The following LARP1 variants were observed in gnomAD, a reference collection of about 807,000 sequenced individuals.
LARP1 encodes la-related protein 1.
A neutral mutation model predicts 122.7 loss-of-function variants in LARP1; 36 were observed. The observed-to-expected ratio is 0.29, with a 90% CI of 0.22 to 0.39. The LOEUF (loss-of-function observed/expected upper bound fraction) is 0.39. Ranked by LOEUF, LARP1 falls within the 10% of genes least tolerant of loss-of-function variation. LARP1 has a pLI of 1.00. For synonymous variants in LARP1, 539 were observed against 528.7 expected (o/e 1.02, Z -0.27); for missense variants, 1,040 against 1,403.6 (o/e 0.74, Z 4.14).
chr5:154,805,103 A>G, intron 14 of LARP1: 2 of 340,668 alleles, frequency 5.9e-6, no homozygotes, highest in South Asian at 4.7e-5. Flanking sequence ...AAATATTACT[A>G]AGAAAATCAC....
chr5:154,721,290 T>C (rs1054182017), intron 1 of LARP1, among the ~76,000 whole-genome samples: 12 of 147,026 alleles, frequency 8.2e-5, no homozygotes, highest in Admixed American at 7.2e-5. Flanking sequence ...GAGGTTGCAG[T>C]GAGCTATGAT....
intron 1 of LARP1, among the ~76,000 whole-genome samples, chr5:154,736,302 G>T (rs1222155784): frequency 6.6e-6 from 1 of 151,646 alleles, no homozygotes; most frequent in Non-Finnish European, 1.5e-5. Context: ...CACTATGTTG[G>T]CCAGGCTGGT....
intron 1 of LARP1, among the ~76,000 whole-genome samples, chr5:154,692,277 A>G (rs116327727): frequency 0.012 from 1,762 of 152,330 alleles, 28 homozygotes; most frequent in African/African-American, 0.04. Flanking sequence ...GGAGTCTACC[A>G]GTTCCTAGCT....
chr5:154,740,393 CAAAA>C (rs538295324), intron 1 of LARP1, among the ~76,000 whole-genome samples: 2 of 73,422 alleles, frequency 2.7e-5, no homozygotes, highest in Non-Finnish European at 2.7e-5. Context: ...AACTCTGTCT[CAAAA>C]AAAAAAAAAA....
rs1484028556 is a variant in LARP1 at position 154,794,020 on chromosome 5, GCT to G, written c.1069+22_1069+23del. The G allele has an allele frequency of 6.2e-7, 1 of 1,608,108 alleles. No individual in the cohort carries two copies. The highest frequency in any genetic ancestry group is 8.5e-7 in the Non-Finnish European group (1 of 1,176,072). ...CTCGAAGTACGTGAGGCCCCTTTGG[GCT>G]CCGGGATGTCCAAGGGTGTGCAGCA... On this transcript the variant is annotated intron_variant, in intron 6 of 18. Coordinates refer to ENST00000518297, the MANE Select transcript of LARP1 (RefSeq NM_033551.3).
At chr5:154,788,531 C>T (rs935165472) in intron 1 of LARP1, among the ~76,000 whole-genome samples, 1 of 152,142 alleles carries the variant, frequency 6.6e-6, no homozygotes, top group South Asian at 2.1e-4. Context: ...TTCTCTGCTG[C>T]TCGGGGTTTG....
chr5:154,732,097 C>T (rs1342211269), intron 1 of LARP1, among the ~76,000 whole-genome samples: 2 of 149,300 alleles, frequency 1.3e-5, no homozygotes, highest in African/African-American at 2.5e-5. Flanking sequence ...ACCCGGGAGG[C>T]GGAGGTTGCA....
At chr5:154,791,151 T>A (rs1408219018) in intron 3 of LARP1, among the ~76,000 whole-genome samples, 1 of 149,486 alleles carries the variant, frequency 6.7e-6, no homozygotes, top group East Asian at 2.0e-4. Flanking sequence ...TTTTTTTTTT[T>A]TGAGATGGAG....
At position 154,755,785 on chromosome 5, in the gene LARP1, C is replaced by A. The variant is rs1246545854; in HGVS notation, c.28C>A (p.Pro10Thr). The change falls in exon 1 of 19, where the codon CCT (proline) becomes ACT (threonine). Residue 10 changes from proline to threonine, a missense_variant. Transcript: ENST00000518297. The stretch of plus-strand genomic sequence containing the variant: ...GGCCACTCAGGTGGAGCCGCTGCTG[C>A]CTGGGGGCGCCACGCTCTTGCAGGC... Reference protein sequence around the residue: MATQVEPLLPGGATLLQAEE... With the variant: MATQVEPLLTGGATLLQAEE... 10 of 989,226 alleles carry A rather than the reference C, an allele frequency of 1.0e-5. No individual in the cohort carries two copies. The highest frequency in any genetic ancestry group is 1.2e-5 in the Non-Finnish European group (10 of 832,186). 61.3% of individuals were successfully genotyped at this position (989,226 alleles called of 1,614,324 possible).
intron 1 of LARP1, among the ~76,000 whole-genome samples, chr5:154,690,667 A>G (rs6580104): frequency 1.3e-5 from 2 of 151,970 alleles, no homozygotes; most frequent in Non-Finnish European, 2.9e-5. Flanking sequence ...GAGGCTTTGT[A>G]CCCCCAGCTG....
At chr5:154,778,297 A>G (rs1314148600) in intron 1 of LARP1, among the ~76,000 whole-genome samples, 1 of 151,866 alleles carries the variant, frequency 6.6e-6, no homozygotes, top group African/African-American at 2.4e-5. Flanking sequence ...TGATTTAAAA[A>G]TATTAAATAT....
intron 1 of LARP1, among the ~76,000 whole-genome samples, chr5:154,720,140 G>A (rs1755770100): frequency 6.6e-6 from 1 of 152,048 alleles, no homozygotes; most frequent in Non-Finnish European, 1.5e-5. Flanking sequence ...GCAGTGAGCT[G>A]AGATCGCACC....
At chr5:154,790,490 G>C in intron 2 of LARP1, 104 bp downstream of exon 2, 1 of 1,308,480 alleles carries the variant, frequency 7.6e-7, no homozygotes, top group Non-Finnish European at 1.1e-6. Flanking sequence ...TGGATTGTCT[G>C]TGAATTGCAG....
At chr5:154,754,742 G>A (rs753817263), upstream of LARP1, among the ~76,000 whole-genome samples, 22 of 152,202 alleles carry the variant, frequency 1.4e-4, no homozygotes, top group Non-Finnish European at 2.4e-4. Context: ...GCGAGGCGCG[G>A]AGCACAACCC....
chr5:154,772,216 A>G (rs1273726169), intron 1 of LARP1, among the ~76,000 whole-genome samples: 2 of 151,966 alleles, frequency 1.3e-5, no homozygotes, highest in Non-Finnish European at 2.9e-5. Context: ...ATAATCTAAT[A>G]TATTCAAAAT....
intron 1 of LARP1, among the ~76,000 whole-genome samples, chr5:154,769,327 CT>C (rs1167771848): frequency 1.3e-5 from 2 of 152,168 alleles, no homozygotes; most frequent in Non-Finnish European, 2.9e-5. Flanking sequence ...AGTTTGCCAT[CT>C]TTTATCCAGG....
chr5:154,771,397 C>G (rs1349125537), intron 1 of LARP1, among the ~76,000 whole-genome samples: 1 of 152,184 alleles, frequency 6.6e-6, no homozygotes, highest in Non-Finnish European at 1.5e-5. Context: ...AGTGACAATC[C>G]TCATTTTACG....
At chr5:154,788,516 C>A (rs990782745) in intron 1 of LARP1, among the ~76,000 whole-genome samples, 1 of 152,130 alleles carries the variant, frequency 6.6e-6, no homozygotes, top group African/African-American at 2.4e-5. Flanking sequence ...GCCAGCCGGG[C>A]AAATTTCTCT....
intron 1 of LARP1, among the ~76,000 whole-genome samples, chr5:154,717,255 C>G (rs1561542427): frequency 6.6e-6 from 1 of 152,038 alleles, no homozygotes; most frequent in Non-Finnish European, 1.5e-5. Flanking sequence ...GCTACAGTCC[C>G]TACCATTCCC....
Sources: gnomAD v4.1 joint callset for allele counts (sites outside exome capture counted in the v4.1 genomes callset) on GRCh38, gnomAD v4.1.1 for gene constraint, MANE v1.5 for transcripts, NCBI Gene and HGNC (gene_info 2026-07-23, HGNC 2026-07-21) for gene names.